The following NBEAL1 variants were observed in gnomAD, a reference collection of about 807,000 sequenced individuals.
NBEAL1 encodes the protein neurobeachin-like protein 1.
A neutral mutation model predicts 351.3 loss-of-function variants in NBEAL1; 273 were observed. The observed-to-expected ratio is 0.78, with a 90% CI of 0.70 to 0.86. The LOEUF is 0.86. Among genes scored for constraint, NBEAL1 ranks in the 40% least tolerant of loss-of-function variants. The pLI, the probability that NBEAL1 is intolerant of heterozygous loss-of-function variation, is 0.00. For missense variants in NBEAL1, 2,961 were observed against 3,201.3 expected (o/e 0.92, Z 1.81); for synonymous variants, 1,050 against 1,086.4 (o/e 0.97, Z 0.66).
chr2:203,165,897 G>A (rs956536403), intron 36 of NBEAL1, among the ~76,000 whole-genome samples: 2 of 152,092 alleles, frequency 1.3e-5, no homozygotes, highest in African/African-American at 4.8e-5. Flanking sequence ...ATAAAAATTA[G>A]CTGGGCATGG....
At chr2:203,070,286 T>G (rs991657590) in intron 7 of NBEAL1, among the ~76,000 whole-genome samples, 4 of 151,636 alleles carry the variant, frequency 2.6e-5, no homozygotes, top group Non-Finnish European at 5.9e-5. Context: ...TAAACTAACA[T>G]CATATTTCTG....
At chr2:203,049,636 A>G (rs2061291927) in intron 3 of NBEAL1, among the ~76,000 whole-genome samples, 178 bp from the exon 4 acceptor site, 1 of 152,224 alleles carries the variant, frequency 6.6e-6, no homozygotes, top group Non-Finnish European at 1.5e-5. Flanking sequence ...TCTAGTTACT[A>G]ATCTAGTTAC....
intron 43 of NBEAL1, chr2:203,182,831 A>G (rs2064771833): frequency 6.6e-6 from 1 of 152,306 alleles, no homozygotes; most frequent in South Asian, 2.1e-4. Flanking sequence ...TTTATTATGC[A>G]AGTATCTATT....
intron 10 of NBEAL1, among the ~76,000 whole-genome samples, chr2:203,086,974 C>A (rs538114915): frequency 6.6e-6 from 1 of 151,848 alleles, no homozygotes; most frequent in African/African-American, 2.4e-5. Flanking sequence ...TGGACAATTT[C>A]GTTTTTTAAA....
At chr2:203,133,018 T>G (rs1310733374) in intron 26 of NBEAL1, 40 bp from the exon 27 acceptor site, 2 of 857,974 alleles carry the variant, frequency 2.3e-6, no homozygotes, top group Admixed American at 2.6e-5. Flanking sequence ...TTTGGTTATC[T>G]CTGGTATTTA....
chr2:203,153,958 C>G (rs1457392081), intron 35 of NBEAL1, among the ~76,000 whole-genome samples: 1 of 151,864 alleles, frequency 6.6e-6, no homozygotes, highest in Non-Finnish European at 1.5e-5. Flanking sequence ...AAATTTACTC[C>G]AAGTGAGCCG....
chr2:203,146,446 C>G (rs1475039695), intron 33 of NBEAL1, among the ~76,000 whole-genome samples: 1 of 152,008 alleles, frequency 6.6e-6, no homozygotes, highest in Non-Finnish European at 1.5e-5. Flanking sequence ...AAACTGCAGA[C>G]CAGTATCTGT....
chr2:203,140,420 T>C (rs1412828486), intron 31 of NBEAL1, among the ~76,000 whole-genome samples: 1 of 152,166 alleles, frequency 6.6e-6, no homozygotes, highest in East Asian at 1.9e-4. Context: ...GTTCTATGAA[T>C]ATATCTTTTT....
At chr2:203,144,054 AC>A in intron 31 of NBEAL1, among the ~76,000 whole-genome samples, 1 of 151,928 alleles carries the variant, frequency 6.6e-6, no homozygotes, top group East Asian at 1.9e-4. Flanking sequence ...TACTAAAAAT[AC>A]AAAAAATTAG....
intron 31 of NBEAL1, among the ~76,000 whole-genome samples, chr2:203,140,304 A>G (rs1220990735): frequency 2.0e-5 from 3 of 151,124 alleles, no homozygotes; most frequent in African/African-American, 7.3e-5. Flanking sequence ...ACTCTGTTAA[A>G]AAAAAAAAAA....
chr2:203,100,493 T>C (rs2062291234), intron 12 of NBEAL1, among the ~76,000 whole-genome samples: 1 of 152,116 alleles, frequency 6.6e-6, no homozygotes, highest in Non-Finnish European at 1.5e-5. Context: ...ATTTCTCTAA[T>C]GATTAGTGAT....
chr2:203,205,815 G>A (rs2065537447), intron 51 of NBEAL1, among the ~76,000 whole-genome samples: 1 of 152,158 alleles, frequency 6.6e-6, no homozygotes, highest in South Asian at 2.1e-4. Context: ...CCATAATATA[G>A]GAATTACCTG....
chr2:203,113,885 G>A (rs1007951456), intron 17 of NBEAL1, among the ~76,000 whole-genome samples: 6 of 147,530 alleles, frequency 4.1e-5, no homozygotes, highest in Non-Finnish European at 7.4e-5. Flanking sequence ...GCAATGGCGC[G>A]ATCCCGGCTC....
In NBEAL1 at chr2:203,141,341, GATTATTATT is replaced by G. The variant is rs1245124579; in HGVS notation, c.4848+2612_4848+2620del. Among the ~76,000 whole-genome samples the G allele has an allele frequency of 2.0e-3, 79 of 38,666 alleles. 1 individual carries two copies. Among genetic ancestry groups the G allele is most frequent in the African/African-American group, 6.0e-3 (63 of 10,530 alleles). The allele number at this position is 38,666 out of a possible 152,430, so 25.4% of individuals were successfully genotyped here. ...AAGCACAGCACCTACAGATAAGACAGATTATTATTATTATTATTATTATTATTTTTTTTT... is the reference window on the plus strand; with the variant it reads ...AAGCACAGCACCTACAGATAAGACAGATTATTATTATTATTATTTTTTTTT... On this transcript the variant is annotated intron_variant, in intron 31 of 55. Coordinates refer to ENST00000683969, the MANE Select transcript of NBEAL1 (RefSeq NM_001378026.1).
chr2:203,021,654 G>A (rs184123778), intron 2 of NBEAL1, among the ~76,000 whole-genome samples: 4 of 151,968 alleles, frequency 2.6e-5, no homozygotes, highest in Admixed American at 2.6e-4. Context: ...TGTATTTTTT[G>A]ATAATTCACT....
At position 203,113,153 on chromosome 2, in the gene NBEAL1, T is replaced by A; in HGVS notation, c.2341T>A (p.Trp781Arg). 6.4e-7 allele frequency: 1 copy of A among 1,553,120 alleles called. No homozygotes were observed. The highest frequency in any genetic ancestry group is 8.7e-7 in the Non-Finnish European group (1 of 1,147,364). ...SFGGILSSAS[W>R]GGTIEKSKLI... is the part of the protein sequence containing the mutation. ...TGGTGGAATTCTGTCATCAGCCTCC[T>A]GGGGAGGAACAATTGAAAAATCAAA... Residue 781 changes from tryptophan to arginine, a missense_variant, in exon 17 of 56, where the codon TGG (tryptophan) becomes AGG (arginine). Coordinates refer to ENST00000683969, the MANE Select transcript of NBEAL1 (RefSeq NM_001378026.1).
chr2:203,128,991 T>C (rs1272100486), intron 24 of NBEAL1, among the ~76,000 whole-genome samples: 1 of 152,228 alleles, frequency 6.6e-6, no homozygotes, highest in Non-Finnish European at 1.5e-5. Context: ...TCCCGTTTAA[T>C]CCTCAGAACT....
At chr2:203,213,950 T>A in intron 55 of NBEAL1, 1 of 213,536 alleles carries the variant, frequency 4.7e-6, no homozygotes. Flanking sequence ...CATAAGAGCC[T>A]TTGCAAAAGA....
At chr2:203,132,367 A>G (rs1356229469) in intron 26 of NBEAL1, among the ~76,000 whole-genome samples, 1 of 152,250 alleles carries the variant, frequency 6.6e-6, no homozygotes. Flanking sequence ...AGTCCACGGA[A>G]CAAGAAAAGG....
Sources: gnomAD v4.1 joint callset for allele counts (sites outside exome capture counted in the v4.1 genomes callset) on GRCh38, gnomAD v4.1.1 for gene constraint, MANE v1.5 for transcripts, NCBI Gene and HGNC (gene_info 2026-07-23, HGNC 2026-07-21) for gene names.